Variants in PPP3R1 observed in about 807,000 individuals in gnomAD.
The protein encoded by PPP3R1 is protein phosphatase 3 regulatory subunit B, alpha, also known as calcineurin subunit B type 1.
PPP3R1 carries 5 observed loss-of-function variants against 22.6 expected under a neutral mutation model. The observed-to-expected ratio is 0.22, with a 90% CI of 0.12 to 0.46. The LOEUF (loss-of-function observed/expected upper bound fraction) is 0.46. Among genes scored for constraint, PPP3R1 ranks in the 20% least tolerant of loss-of-function variants. The pLI, the probability that PPP3R1 is intolerant of heterozygous loss-of-function variation, is 0.99. For missense variants in PPP3R1, 61 were observed against 203.2 expected, an observed-to-expected ratio of 0.30 and a Z score of 4.25; for synonymous variants, 56 against 65.2, an observed-to-expected ratio of 0.86 and a Z score of 0.68.
intron 2 of PPP3R1, among the ~76,000 whole-genome samples, chr2:68,200,045 T>C (rs1197484890): frequency 1.3e-5 from 2 of 152,176 alleles, no homozygotes; most frequent in Non-Finnish European, 2.9e-5. Context: ...ACTATTTTCT[T>C]TGTAGAAAGA....
intron 1 of PPP3R1, among the ~76,000 whole-genome samples, chr2:68,249,756 G>A (rs1670306383): frequency 6.6e-6 from 1 of 151,668 alleles, no homozygotes; most frequent in African/African-American, 2.4e-5. Context: ...TACGTTTAAG[G>A]CACCAACTAA....
intron 2 of PPP3R1, among the ~76,000 whole-genome samples, chr2:68,195,970 A>G (rs1024802899): frequency 6.6e-6 from 1 of 151,922 alleles, no homozygotes; most frequent in Non-Finnish European, 1.5e-5. Flanking sequence ...ACTATTTCTA[A>G]GACACGATTC....
chr2:68,197,012 AC>A (rs1433400950), intron 2 of PPP3R1, among the ~76,000 whole-genome samples: 1 of 152,242 alleles, frequency 6.6e-6, no homozygotes, highest in Non-Finnish European at 1.5e-5. Flanking sequence ...GGTGTGAGGC[AC>A]AACGCCTGGC....
At chr2:68,236,916 C>T (rs1376195637) in intron 1 of PPP3R1, among the ~76,000 whole-genome samples, 2 of 152,116 alleles carry the variant, frequency 1.3e-5, no homozygotes, top group African/African-American at 2.4e-5. Flanking sequence ...GCATTCCCTG[C>T]TCTTCTTTGG....
chr2:68,206,202 G>A (rs1675122051), intron 2 of PPP3R1, among the ~76,000 whole-genome samples: 1 of 152,158 alleles, frequency 6.6e-6, no homozygotes, highest in Non-Finnish European at 1.5e-5. Context: ...AGTCGACTGT[G>A]TTATAAACTG....
intron 1 of PPP3R1, among the ~76,000 whole-genome samples, chr2:68,250,112 A>G (rs562833094): frequency 6.6e-6 from 1 of 152,110 alleles, no homozygotes. Flanking sequence ...CACTGCCAAC[A>G]TTATGTAGGT....
chr2:68,196,049 C>A (rs1333136286), intron 2 of PPP3R1, among the ~76,000 whole-genome samples: 1 of 152,078 alleles, frequency 6.6e-6, no homozygotes, highest in African/African-American at 2.4e-5. Context: ...GAAACTACTA[C>A]TCCAATACAG....
intron 1 of PPP3R1, among the ~76,000 whole-genome samples, chr2:68,249,633 A>C (rs1558646825): frequency 6.7e-6 from 1 of 148,428 alleles, no homozygotes. Context: ...TATTTACAAG[A>C]TTTTTTTTTT....
rs140640493 is a variant in PPP3R1 at position 68,188,683 on chromosome 2, C to T, written c.51G>A (p.Ala17=). The T allele has an allele frequency of 1.1e-3, 1,699 of 1,593,224 alleles. 4 individuals carry two copies. Among genetic ancestry groups the T allele is most frequent in the Middle Eastern group, 1.7e-3 (10 of 5,958 alleles). Residue 17 remains alanine, a synonymous_variant, in exon 3 of 6, where the codon GCG becomes GCA. Transcript: ENST00000234310. Reference sequence around the variant, plus strand: ...TCTTTCCTAGCCTTTTAATTTCATCCGCATCAACTAAAAGCAAACAAAAAA... The same window carrying T: ...TCTTTCCTAGCCTTTTAATTTCATCTGCATCAACTAAAAGCAAACAAAAAA... ...YPLEMCSHFD[A]DEIKRLGKRF... is the part of the protein sequence containing the mutation.
In PPP3R1 at chr2:68,186,607, T is replaced by C. The variant is rs2103719267; in HGVS notation, c.326A>G (p.Asn109Ser). 6.2e-7 allele frequency: 1 copy of C among 1,613,214 alleles called. No individual in the cohort carries two copies. Among genetic ancestry groups the C allele is most frequent in the Non-Finnish European group, 8.5e-7 (1 of 1,179,448 alleles). ...CTTCAATACCTGGAAGAGTTCCCCA[T>C]TGGAAATATAGCCATCTTTATCCAT... is the stretch of plus-strand genomic sequence containing the variant. ...YDMDKDGYIS[N>S]GELFQVLKMM... is the part of the protein sequence containing the mutation. Residue 109 changes from asparagine (N) to serine (S), a missense_variant, in exon 5 of 6, where the codon AAT (asparagine) becomes AGT (serine). By Grantham distance (46) the Asn-to-Ser change is conservative (BLOSUM62 1). Coordinates refer to ENST00000234310, the MANE Select transcript of PPP3R1 (RefSeq NM_000945.4).
At chr2:68,209,702 G>A (rs879304811) in intron 2 of PPP3R1, among the ~76,000 whole-genome samples, 1 of 151,966 alleles carries the variant, frequency 6.6e-6, no homozygotes, top group Non-Finnish European at 1.5e-5. Context: ...AGGCTGCACC[G>A]AACCATGGTA....
Position 68,186,600 on chromosome 2 carries a change from T to C in PPP3R1, c.333A>G (p.Glu111=). The change falls in exon 5 of 6, where the codon GAA becomes GAG. Residue 111 remains glutamate, a synonymous_variant. Transcript: ENST00000234310. ...MDKDGYISNG[E]LFQVLKMMVG... ...CCATCATCTTCAATACCTGGAAGAG[T>C]TCCCCATTGGAAATATAGCCATCTT... 2 of 1,613,084 alleles carry C rather than the reference T, an allele frequency of 1.2e-6. No individual in the cohort carries two copies. Among genetic ancestry groups the C allele is most frequent in the Admixed American group, 1.7e-5 (1 of 59,964 alleles).
Position 68,195,791 on chromosome 2 carries a change from TC to T in PPP3R1, c.44-7102del, listed in dbSNP as rs1250193313. On this transcript the variant is annotated intron_variant, in intron 2 of 5. Coordinates refer to ENST00000234310, the MANE Select transcript of PPP3R1 (RefSeq NM_000945.4). ...GAGTATTTTAGTACATGAATTAAAATCCAATACTATCATTATTTTGTTAGTC... is the reference window on the plus strand; with the variant it reads ...GAGTATTTTAGTACATGAATTAAAATCAATACTATCATTATTTTGTTAGTC... Among the ~76,000 whole-genome samples the T allele has an allele frequency of 2.0e-5, 3 of 152,148 alleles. No homozygotes were observed. In the East Asian group the frequency reaches 5.8e-4, roughly 29 times the overall value.
chr2:68,198,325 A>G (rs1283176603), intron 2 of PPP3R1, among the ~76,000 whole-genome samples: 3 of 90,900 alleles, frequency 3.3e-5, no homozygotes, highest in South Asian at 3.6e-4. Flanking sequence ...ATGTATATAC[A>G]TATGTACATA....
intron 2 of PPP3R1, among the ~76,000 whole-genome samples, chr2:68,198,336 TATGTAC>T (rs1376796937): frequency 2.2e-5 from 2 of 90,882 alleles, no homozygotes; most frequent in Non-Finnish European, 4.4e-5. Flanking sequence ...TATGTACATA[TATGTAC>T]ATGTATATGC....
chr2:68,225,704 C>T (rs988088574), intron 1 of PPP3R1, among the ~76,000 whole-genome samples: 3 of 152,082 alleles, frequency 2.0e-5, no homozygotes, highest in Non-Finnish European at 4.4e-5. Context: ...ATAGTGTATG[C>T]GGCTAAAAAT....
intron 2 of PPP3R1, among the ~76,000 whole-genome samples, chr2:68,214,290 G>A (rs1022503075): frequency 1.3e-5 from 2 of 152,062 alleles, no homozygotes; most frequent in Non-Finnish European, 2.9e-5. Context: ...TGACAAATCA[G>A]ACCTAATTAA....
chr2:68,231,603 A>C (rs1271662473), intron 1 of PPP3R1, among the ~76,000 whole-genome samples: 1 of 152,170 alleles, frequency 6.6e-6, no homozygotes, highest in African/African-American at 2.4e-5. Flanking sequence ...AGTGCTTTAC[A>C]CTTTTATCAT....
At chr2:68,249,299 G>GTT (rs566925733) in intron 1 of PPP3R1, among the ~76,000 whole-genome samples, 10 of 148,420 alleles carry the variant, frequency 6.7e-5, no homozygotes, top group Non-Finnish European at 9.0e-5. Context: ...CATAAGACAG[G>GTT]TTTTTTTTTT....
Sources: gnomAD v4.1 joint callset for allele counts (sites outside exome capture counted in the v4.1 genomes callset) on GRCh38, gnomAD v4.1.1 for gene constraint, MANE v1.5 for transcripts, NCBI Gene and HGNC (gene_info 2026-07-23, HGNC 2026-07-21) for gene names.